PCDHGA7: variants seen among roughly 807,000 people sequenced by gnomAD.
PCDHGA7 encodes protocadherin gamma-A7.
PCDHGA7 carries 44 observed loss-of-function variants against 58.3 expected under a neutral mutation model. The ratio of observed to expected loss-of-function variants is 0.75; its 90% confidence interval spans 0.59 to 0.97. The LOEUF (loss-of-function observed/expected upper bound fraction) is 0.97. Ranked by LOEUF, PCDHGA7 falls within the 50% of genes least tolerant of loss-of-function variation. The pLI, the probability that PCDHGA7 is intolerant of heterozygous loss-of-function variation, is 0.00. For missense variants in PCDHGA7, 1,266 were observed against 1,188.7 expected, an observed-to-expected ratio of 1.06 and a Z score of -0.96; for synonymous variants, 516 against 504.2, an observed-to-expected ratio of 1.02 and a Z score of -0.31.
At chr5:141,455,860 A>ATTATTTAT (rs145569377) in intron 1 of PCDHGA7, among the ~76,000 whole-genome samples, 155 of 139,844 alleles carry the variant, frequency 1.1e-3, no homozygotes, top group Non-Finnish European at 1.5e-3. Flanking sequence ...AATTTCTTTT[A>ATTATTTAT]TTATTTATTT....
rs545310006 is a variant in PCDHGA7 at position 141,395,123 on chromosome 5, T to C, written c.2424+9800T>C. ...ACTCGCGGAAGAGTCACCTGATCTTTCCCCAGCCCAACTACGCAGACATGC... is the reference window on the plus strand; with the variant it reads ...ACTCGCGGAAGAGTCACCTGATCTTCCCCCAGCCCAACTACGCAGACATGC... On this transcript the variant is annotated intron_variant, in intron 1 of 3. Coordinates refer to ENST00000518325, the MANE Select transcript of PCDHGA7 (RefSeq NM_018920.4). 2.5e-6 allele frequency: 4 copies of C among 1,614,148 alleles called. No homozygotes were observed. In the Admixed American group the frequency reaches 6.7e-5, roughly 27 times the overall value.
intron 2 of PCDHGA7, among the ~76,000 whole-genome samples, chr5:141,497,171 C>T (rs991574648): frequency 6.6e-6 from 1 of 151,148 alleles, no homozygotes; most frequent in African/African-American, 2.5e-5. Context: ...CCACAAATCA[C>T]AGTAAGTTCT....
rs1173771781 is a variant in PCDHGA7 at position 141,486,312 on chromosome 5, G to A, written c.2425-8495G>A. Reference sequence around the variant, plus strand: ...ATCAGTGTGCAGGATCCAGACTCAGGGTCAAACGGAGATGTGAGCCTCCGC... The same window carrying A: ...ATCAGTGTGCAGGATCCAGACTCAGAGTCAAACGGAGATGTGAGCCTCCGC... On this transcript the variant is annotated intron_variant, in intron 1 of 3. Coordinates refer to ENST00000518325, the MANE Select transcript of PCDHGA7 (RefSeq NM_018920.4). The surrounding 1 kb of genome is among the most constrained non-coding windows in gnomAD (Gnocchi z 5.0). The A allele has an allele frequency of 1.2e-6, 2 of 1,613,864 alleles. No individual in the cohort carries two copies. Among genetic ancestry groups the A allele is most frequent in the African/African-American group, 1.3e-5 (1 of 74,842 alleles).
chr5:141,455,541 A>G (rs2098825752), intron 1 of PCDHGA7, among the ~76,000 whole-genome samples: 1 of 152,134 alleles, frequency 6.6e-6, no homozygotes, highest in African/African-American at 2.4e-5. Context: ...CATATCATTC[A>G]CGTAGCCCGA....
At position 141,393,888 on chromosome 5, in the gene PCDHGA7, A is replaced by T. The variant is rs371905513; in HGVS notation, c.2424+8565A>T. 2.5e-6 allele frequency: 4 copies of T among 1,613,898 alleles called. No homozygotes were observed. The highest frequency in any genetic ancestry group is 1.3e-5 in the African/African-American group (1 of 74,932). On this transcript the variant is annotated intron_variant, in intron 1 of 3. Transcript: ENST00000518325. ...GTCTTTGTTTAGCCCAGTGTTAGAAAATTCTCTTCCCGGGACAGTAATTGC... is the reference window on the plus strand; with the variant it reads ...GTCTTTGTTTAGCCCAGTGTTAGAATATTCTCTTCCCGGGACAGTAATTGC...
chr5:141,405,195 C>T, intron 1 of PCDHGA7: 1 of 1,613,786 alleles, frequency 6.2e-7, no homozygotes. Context: ...GGGGTTCGAG[C>T]TTTCCTACAG....
chr5:141,395,542 TTGTGTGTGTGTGTGTGTGTG>T (rs55729045), intron 1 of PCDHGA7: 12 of 172,620 alleles, frequency 7.0e-5, no homozygotes, highest in Admixed American at 1.6e-4. Flanking sequence ...TTGCTATTGT[TTGTGTGTGTGTGTGTGTGTG>T]TGTGTGTGTG....
intron 1 of PCDHGA7, chr5:141,393,499 A>T: frequency 6.2e-7 from 1 of 1,614,008 alleles, no homozygotes; most frequent in South Asian, 1.1e-5. Context: ...GTGCGCATCC[A>T]CGTGACAGTG....
chr5:141,402,857 A>G, intron 1 of PCDHGA7: 2 of 1,425,270 alleles, frequency 1.4e-6, no homozygotes, highest in Non-Finnish European at 1.8e-6. Context: ...CTTTCTTCTA[A>G]GGAAAAGATC....
rs1227487225 is a variant in PCDHGA7, at chr5:141,491,275, G to C, written c.2425-3532G>C. The C allele has an allele frequency of 2.5e-6, 4 of 1,614,082 alleles. 1 individual carries two copies. In the South Asian group the frequency reaches 4.4e-5, roughly 18 times the overall value. On this transcript the variant is annotated intron_variant, in intron 1 of 3. Transcript: ENST00000518325. This position sits in a 1 kb window ranked among gnomAD's most constrained non-coding sequence, Gnocchi z 6.9. Reference sequence around the variant, plus strand: ...CCCTGAGGAAATGCCCAAATCCAGTGACTTCCTCATACACCCTCCTGAGCG... The same window carrying C: ...CCCTGAGGAAATGCCCAAATCCAGTCACTTCCTCATACACCCTCCTGAGCG...
chr5:141,408,112 C>T, intron 1 of PCDHGA7: 1 of 1,460,448 alleles, frequency 6.8e-7, no homozygotes, highest in African/African-American at 1.4e-5. Flanking sequence ...CCCGGGACTC[C>T]TCCTGTCCTG....
At chr5:141,409,632 C>G (rs1279542488) in intron 1 of PCDHGA7, 1 of 1,613,848 alleles carries the variant, frequency 6.2e-7, no homozygotes, top group East Asian at 2.2e-5. Context: ...GTGAGCGCCT[C>G]TGACCCGGAT....
intron 2 of PCDHGA7, among the ~76,000 whole-genome samples, chr5:141,504,947 A>G (rs1595930930): frequency 6.6e-6 from 1 of 152,200 alleles, no homozygotes; most frequent in Non-Finnish European, 1.5e-5. Context: ...GGAATGCACT[A>G]TGTTCAATGC....
At chr5:141,404,360 TC>T (rs780435528) in intron 1 of PCDHGA7, 1 of 1,613,900 alleles carries the variant, frequency 6.2e-7, no homozygotes. Context: ...CAGAGGTACT[TC>T]CATCTTCTCC....
At chr5:141,466,034 A>T (rs189202430) in intron 1 of PCDHGA7, among the ~76,000 whole-genome samples, 1,557 of 152,178 alleles carry the variant, frequency 0.01, 35 homozygotes, top group African/African-American at 0.035. Flanking sequence ...AGGCAGGAGA[A>T]CGGCATGAAC....
chr5:141,388,056 G>A lies in PCDHGA7; in HGVS notation c.2424+2733G>A, dbSNP rs1192724751. 2.2e-6 allele frequency: 3 copies of A among 1,386,286 alleles called. No individual in the cohort carries two copies. In the Admixed American group the frequency reaches 6.2e-5, roughly 29 times the overall value. 85.9% of individuals were successfully genotyped at this position (1,386,286 alleles called of 1,614,324 possible). A position where few individuals can be genotyped will look rare whatever the true frequency, so the allele number is the denominator to read the frequency against. On this transcript the variant is annotated intron_variant, in intron 1 of 3. Coordinates refer to ENST00000518325, the MANE Select transcript of PCDHGA7 (RefSeq NM_018920.4). ...CCTCGCCACGGACCTGGGGTTCAGC[G>A]TCCAGGAGTTACCGACTCGAAAACT...
chr5:141,494,601 A>T (rs1396717178), intron 1 of PCDHGA7, among the ~76,000 whole-genome samples: 1 of 151,892 alleles, frequency 6.6e-6, no homozygotes, highest in East Asian at 1.9e-4. Context: ...ATGAAATGTG[A>T]TTTATCTCTT....
chr5:141,409,080 C>T (rs2095221617), intron 1 of PCDHGA7: 1 of 1,613,988 alleles, frequency 6.2e-7, no homozygotes, highest in Non-Finnish European at 8.5e-7. Context: ...CATATGTTCT[C>T]ATTGGATGAG....
intron 1 of PCDHGA7, chr5:141,415,493 T>C (rs1312874620): frequency 6.2e-7 from 1 of 1,614,108 alleles, no homozygotes; most frequent in Non-Finnish European, 8.5e-7. Context: ...AGTCACCTGA[T>C]CTTCCCCCAG....
Sources: allele counts gnomAD v4.1 joint callset (sites outside exome capture counted in the v4.1 genomes callset), GRCh38; gene constraint gnomAD v4.1.1; non-coding constraint Gnocchi (gnomAD v3.1); transcripts MANE v1.5; gene names NCBI Gene and HGNC (gene_info 2026-07-23, HGNC 2026-07-21).